The following AGAP3 variants were observed in gnomAD, a reference collection of about 807,000 sequenced individuals.
AGAP3 encodes the protein arf-GAP with GTPase, ANK repeat and PH domain-containing protein 3.
A neutral mutation model predicts 96.9 loss-of-function variants in AGAP3; 24 were observed. The observed-to-expected ratio is 0.25, with a 90% CI of 0.18 to 0.35. The LOEUF (loss-of-function observed/expected upper bound fraction) is 0.35. Among genes scored for constraint, AGAP3 ranks in the 10% least tolerant of loss-of-function variants. The pLI is 1.00. For missense variants in AGAP3, 876 were observed against 1,254.2 expected, an observed-to-expected ratio of 0.70 and a Z score of 4.55; for synonymous variants, 563 against 536.1, an observed-to-expected ratio of 1.05 and a Z score of -0.69.
At chr7:151,115,657 TG>T in intron 1 of AGAP3, 9 of 1,153,594 alleles carry the variant, frequency 7.8e-6, no homozygotes, top group South Asian at 4.3e-5. Context: ...GGGGCGGGCC[TG>T]GGGGGCGTCT....
intron 9 of AGAP3, among the ~76,000 whole-genome samples, chr7:151,127,203 C>T (rs756646419): frequency 3.9e-5 from 6 of 152,186 alleles, no homozygotes; most frequent in Non-Finnish European, 5.9e-5. Flanking sequence ...ATTTACCCCC[C>T]ACCCTTGGGC....
intron 11 of AGAP3, chr7:151,136,436 C>T (rs984275282): frequency 7.2e-5 from 11 of 152,210 alleles, no homozygotes; most frequent in Admixed American, 1.3e-4. Flanking sequence ...TGCCGCATGC[C>T]GACGCCGACA....
chr7:151,135,139 G>C (rs1800544561), intron 11 of AGAP3, among the ~76,000 whole-genome samples: 2 of 152,216 alleles, frequency 1.3e-5, no homozygotes, highest in South Asian at 4.1e-4. Flanking sequence ...CAACTCCCTA[G>C]TGCCGCTTCA....
At chr7:151,123,704 A>C in intron 8 of AGAP3, 90 bp from the exon 9 acceptor site, 2 of 1,585,934 alleles carry the variant, frequency 1.3e-6, no homozygotes, top group Non-Finnish European at 1.7e-6. Context: ...GCCCAGGAGG[A>C]GGGAGGCAGG....
chr7:151,115,495 C>T, intron 1 of AGAP3: 5 of 1,018,924 alleles, frequency 4.9e-6, no homozygotes, highest in Non-Finnish European at 4.7e-6. Flanking sequence ...GCCCCGCGCG[C>T]AGCGCCGGAG....
In AGAP3 at chr7:151,140,172, A is replaced by AAT; in HGVS notation, c.1804+56_1804+57insAT. The AAT allele has an allele frequency of 6.9e-7, 1 of 1,445,670 alleles. No homozygotes were observed. 89.6% of individuals were successfully genotyped at this position (1,445,670 alleles called of 1,614,324 possible). On this transcript the variant is annotated intron_variant, in intron 13 of 17. Coordinates refer to ENST00000397238, the MANE Select transcript of AGAP3 (RefSeq NM_031946.7). This position sits in a 1 kb window ranked among gnomAD's most constrained non-coding sequence, Gnocchi z 5.4. ...AGGAGGTGGGCAGTGGGACTTGGGGATAGTACCCTAAAAGTAACACCTATT... is the reference window on the plus strand; with the variant it reads ...AGGAGGTGGGCAGTGGGACTTGGGGAATTAGTACCCTAAAAGTAACACCTATT...
At chr7:151,104,287 T>C (rs1380034075) in intron 1 of AGAP3, among the ~76,000 whole-genome samples, 2 of 152,206 alleles carry the variant, frequency 1.3e-5, no homozygotes, top group Non-Finnish European at 2.9e-5. Context: ...CCTTGTGTCA[T>C]GGATTTTGTT....
chr7:151,110,907 C>T (rs1799252178), intron 1 of AGAP3, among the ~76,000 whole-genome samples: 1 of 152,252 alleles, frequency 6.6e-6, no homozygotes, highest in Non-Finnish European at 1.5e-5. Flanking sequence ...TGGAATGGAG[C>T]TGTTAGGGGT....
At position 151,114,652 on chromosome 7, in the gene AGAP3, G is replaced by C. The variant is rs1281346953; in HGVS notation, c.332-2141G>C. The C allele has an allele frequency of 1.1e-6, 1 of 929,684 alleles. No homozygotes were observed. The highest frequency in any genetic ancestry group is 1.3e-6 in the Non-Finnish European group (1 of 777,524). 57.6% of individuals were successfully genotyped at this position (929,684 alleles called of 1,614,324 possible). A position where few individuals can be genotyped will look rare whatever the true frequency, so the allele number is the denominator to read the frequency against. On this transcript the variant is annotated intron_variant, in intron 1 of 17. Transcript: ENST00000397238. This position sits in a 1 kb window ranked among gnomAD's most constrained non-coding sequence, Gnocchi z 4.4. ...GCGAGGTGGAGGAGTTGAGGGACTC[G>C]GTCGGCCCACACCAGGTGCCCAGAG...
chr7:151,115,566 A>C, intron 1 of AGAP3: 1 of 1,135,304 alleles, frequency 8.8e-7, no homozygotes, highest in Non-Finnish European at 1.1e-6. Context: ...CTTCCGCCGG[A>C]GGGAGCCCGC....
Position 151,117,716 on chromosome 7 carries a change from C to A in AGAP3, c.645C>A (p.Phe215Leu). ...EISFQTVYNY[F>L]LRLCSFRNAS... Reference sequence around the variant, plus strand: ...GTTTCCAGACGGTGTACAACTACTTCCTGCGTCTCTGCAGCTTCCGCAACG... The same window carrying A: ...GTTTCCAGACGGTGTACAACTACTTACTGCGTCTCTGCAGCTTCCGCAACG... The change falls in exon 5 of 18, where the codon TTC (phenylalanine) becomes TTA (leucine). Residue 215 changes from phenylalanine to leucine, a missense_variant. Physicochemically the swap from Phe to Leu is conservative, Grantham distance 22. This residue lies in a region of AGAP3 where 131 missense variants were observed against 304.5 expected (regional missense o/e 0.43). Coordinates refer to ENST00000397238, the MANE Select transcript of AGAP3 (RefSeq NM_031946.7). 6.2e-7 allele frequency: 1 copy of A among 1,614,220 alleles called. No individual in the cohort carries two copies. The highest frequency in any genetic ancestry group is 8.5e-7 in the Non-Finnish European group (1 of 1,180,014).
intron 1 of AGAP3, among the ~76,000 whole-genome samples, chr7:151,111,284 G>A (rs1482226117): frequency 6.6e-6 from 1 of 152,190 alleles, no homozygotes; most frequent in East Asian, 1.9e-4. Context: ...CGGTGGTTCT[G>A]GGACCACACC....
At chr7:151,117,865 C>T in intron 5 of AGAP3, 88 bp downstream of exon 5, 1 of 1,464,862 alleles carries the variant, frequency 6.8e-7, no homozygotes, top group Non-Finnish European at 9.0e-7. Flanking sequence ...TGTGAGAAAG[C>T]CCCCAAGCCC....
rs1454317913 is a variant in AGAP3, at chr7:151,142,212, C to T, written c.2009C>T (p.Thr670Ile). The change falls in exon 15 of 18, where the codon ACC becomes ATC. Residue 670 changes from threonine (T) to isoleucine (I), a missense_variant. Thr to Ile is a moderately conservative substitution (Grantham distance 89). Coordinates refer to ENST00000397238, the MANE Select transcript of AGAP3 (RefSeq NM_031946.7). This position sits in a 1 kb window ranked among gnomAD's most constrained non-coding sequence, Gnocchi z 7.5. ...GCTCTGGCTGTGCAGGCCGTCCGCA[C>T]CGTCCGCGGCAACAGCTTTTGTATC... is the stretch of plus-strand genomic sequence containing the variant. ...NAALAVQAVR[T>I]VRGNSFCIDC... The T allele has an allele frequency of 1.2e-6, 2 of 1,613,684 alleles. No individual in the cohort carries two copies. The highest frequency in any genetic ancestry group is 1.7e-5 in the Admixed American group (1 of 60,024).
Position 151,140,129 on chromosome 7 carries a change from C to T in AGAP3, c.1804+13C>T, listed in dbSNP as rs1490955953. 6.4e-7 allele frequency: 1 copy of T among 1,567,750 alleles called. No individual in the cohort carries two copies. ...AGTGCTACTGAAGGTTAGGGGGACC[C>T]AGAGGGAAACCGGGCACAGGAGGTG... On this transcript the variant is annotated intron_variant, in intron 13 of 17. Coordinates refer to ENST00000397238, the MANE Select transcript of AGAP3 (RefSeq NM_031946.7). The surrounding 1 kb of genome is among the most constrained non-coding windows in gnomAD (Gnocchi z 5.4).
At position 151,114,545 on chromosome 7, in the gene AGAP3, C is replaced by G; in HGVS notation, c.332-2248C>G. ...GCTCCCCCGCGCCGCGCCGCCGTTCCCGGGCGTTCCAGGCCAGACTTGCCG... is the reference window on the plus strand; with the variant it reads ...GCTCCCCCGCGCCGCGCCGCCGTTCGCGGGCGTTCCAGGCCAGACTTGCCG... On this transcript the variant is annotated intron_variant, in intron 1 of 17. Coordinates refer to ENST00000397238, the MANE Select transcript of AGAP3 (RefSeq NM_031946.7). This position sits in a 1 kb window ranked among gnomAD's most constrained non-coding sequence, Gnocchi z 4.4. 1 of 251,382 alleles carries G rather than the reference C, an allele frequency of 4.0e-6. No individual in the cohort carries two copies. 15.6% of individuals were successfully genotyped at this position (251,382 alleles called of 1,614,324 possible).
At chr7:151,098,061 A>G (rs1047010545) in intron 1 of AGAP3, among the ~76,000 whole-genome samples, 18 of 152,266 alleles carry the variant, frequency 1.2e-4, no homozygotes, top group Non-Finnish European at 5.9e-5. Context: ...TTTATAGCCT[A>G]TAAGATAACA....
chr7:151,130,608 G>A (rs550401528), intron 10 of AGAP3, among the ~76,000 whole-genome samples: 5 of 152,204 alleles, frequency 3.3e-5, no homozygotes, highest in African/African-American at 4.8e-5. Flanking sequence ...CCTCCATGCC[G>A]CACTTGTTGC....
intron 1 of AGAP3, among the ~76,000 whole-genome samples, chr7:151,100,443 T>G (rs1277496312): frequency 6.6e-6 from 1 of 152,258 alleles, no homozygotes; most frequent in Non-Finnish European, 1.5e-5. Flanking sequence ...ATGGGAAGGC[T>G]GCTGTCTCTC....
Sources: gnomAD v4.1 joint callset for allele counts (sites outside exome capture counted in the v4.1 genomes callset) on GRCh38, gnomAD v4.1.1 for gene constraint, gnomAD v4.1.1 regional missense constraint, Gnocchi (gnomAD v3.1) non-coding constraint, MANE v1.5 for transcripts, NCBI Gene and HGNC (gene_info 2026-07-23, HGNC 2026-07-21) for gene names.